PRDM5: variants seen among roughly 807,000 people sequenced by gnomAD.
PRDM5 encodes PR/SET domain 5, also known as PR domain zinc finger protein 5.
A neutral mutation model predicts 81.2 loss-of-function variants in PRDM5; 56 were observed. The observed-to-expected ratio is 0.69, with a 90% CI of 0.56 to 0.86. The LOEUF is 0.86. Among genes scored for constraint, PRDM5 ranks in the 40% least tolerant of loss-of-function variants. The probability of loss-of-function intolerance (pLI) is 0.00; values close to 1 mark genes in which losing one functional copy is unlikely to be tolerated. For missense variants in PRDM5, 697 were observed against 770.1 expected (o/e 0.91, Z 1.12); for synonymous variants, 267 against 256.4 (o/e 1.04, Z -0.39).
Position 120,895,822 on chromosome 4 carries a change from A to T in PRDM5, c.177+11652T>A, listed in dbSNP as rs1764554446. 2 of 152,206 alleles carry T rather than the reference A, an allele frequency of 1.3e-5. 1 individual carries two copies. Among genetic ancestry groups the T allele is most frequent in the South Asian group, 4.1e-4 (2 of 4,826 alleles). 9.4% of individuals were successfully genotyped at this position (152,206 alleles called of 1,614,324 possible). ...CTCATGAGTAGCTAGGACAACAGGC[A>T]TGTACCACCATGCCTGGCTAATTTA... On this transcript the variant is annotated intron_variant, in intron 2 of 15. Transcript: ENST00000264808.
At chr4:120,876,782 T>C (rs899597076) in intron 2 of PRDM5, among the ~76,000 whole-genome samples, 13 of 152,136 alleles carry the variant, frequency 8.5e-5, no homozygotes, top group African/African-American at 3.1e-4. Context: ...CATGAAGGAA[T>C]GCATGCAAAA....
intron 14 of PRDM5, among the ~76,000 whole-genome samples, chr4:120,750,718 A>ACG (rs58170908): frequency 0.013 from 1,949 of 149,994 alleles, 42 homozygotes; most frequent in African/African-American, 0.04. Context: ...ACACACACAC[A>ACG]CGCGCACACA....
downstream of PRDM5, among the ~76,000 whole-genome samples, chr4:120,687,508 A>AT (rs1312683772): frequency 6.6e-6 from 1 of 151,934 alleles, no homozygotes; most frequent in Non-Finnish European, 1.5e-5. Flanking sequence ...TGTACATGAA[A>AT]TTTTCTTTAT....
intron 14 of PRDM5, among the ~76,000 whole-genome samples, chr4:120,748,746 TA>T (rs374244657): frequency 7.3e-5 from 11 of 151,496 alleles, no homozygotes; most frequent in African/African-American, 2.7e-4. Context: ...CAGGAAAAGG[TA>T]GATCTAGAAA....
At chr4:120,897,805 T>G (rs1442271789) in intron 2 of PRDM5, among the ~76,000 whole-genome samples, 2 of 152,192 alleles carry the variant, frequency 1.3e-5, no homozygotes, top group Non-Finnish European at 2.9e-5. Flanking sequence ...TACATTTCAA[T>G]TTGTTAGTAA....
At chr4:120,920,703 G>A (rs919689500) in intron 1 of PRDM5, among the ~76,000 whole-genome samples, 2 of 152,166 alleles carry the variant, frequency 1.3e-5, no homozygotes, top group African/African-American at 4.8e-5. Flanking sequence ...ACTAAACATC[G>A]ATAATAGTTT....
At chr4:120,744,586 T>C (rs980202137) in intron 14 of PRDM5, among the ~76,000 whole-genome samples, 2 of 151,242 alleles carry the variant, frequency 1.3e-5, no homozygotes, top group African/African-American at 2.4e-5. Context: ...CAAGAAAAAA[T>C]GATAAAGGGG....
chr4:120,774,445 T>G (rs1287787487), intron 13 of PRDM5, among the ~76,000 whole-genome samples: 2 of 152,172 alleles, frequency 1.3e-5, no homozygotes, highest in South Asian at 4.1e-4. Flanking sequence ...AATCAAAACA[T>G]TCGGAGCTCC....
intron 14 of PRDM5, among the ~76,000 whole-genome samples, chr4:120,718,591 C>T (rs1378949412): frequency 1.3e-5 from 2 of 152,044 alleles, no homozygotes; most frequent in Admixed American, 6.5e-5. Flanking sequence ...CATTTTAATG[C>T]CTTTAATTGT....
chr4:120,773,052 T>C (rs1747526685), intron 13 of PRDM5, among the ~76,000 whole-genome samples: 1 of 152,204 alleles, frequency 6.6e-6, no homozygotes, highest in South Asian at 2.1e-4. Flanking sequence ...GTGTATAATC[T>C]TTTTAATATT....
intron 2 of PRDM5, among the ~76,000 whole-genome samples, chr4:120,874,123 C>T (rs975458119): frequency 6.6e-6 from 1 of 151,950 alleles, no homozygotes; most frequent in Admixed American, 6.6e-5. Context: ...CAAAATGCGC[C>T]CTTCTAGCTA....
chr4:120,904,973 G>A (rs994271270), intron 2 of PRDM5, among the ~76,000 whole-genome samples: 1 of 152,192 alleles, frequency 6.6e-6, no homozygotes, highest in South Asian at 2.1e-4. Context: ...GACTTACTAA[G>A]TTATCAGGTT....
chr4:120,880,906 G>A (rs3115311), intron 2 of PRDM5, among the ~76,000 whole-genome samples: 25,263 of 152,000 alleles, frequency 0.17, 2,567 homozygotes, highest in African/African-American at 0.28. Flanking sequence ...TGTCAATGAA[G>A]TATTAATGAA....
intron 12 of PRDM5, among the ~76,000 whole-genome samples, chr4:120,778,418 T>C (rs1404417411): frequency 6.6e-6 from 1 of 152,140 alleles, no homozygotes; most frequent in Non-Finnish European, 1.5e-5. Flanking sequence ...GTGGGGCAAT[T>C]ACCTCATCAC....
rs138331711 is a variant in PRDM5, at chr4:120,847,536, C to T, written c.300+5882G>A. Among the ~76,000 whole-genome samples the T allele has an allele frequency of 1.1e-3, 162 of 152,302 alleles. 1 individual carries two copies. Among genetic ancestry groups the T allele is most frequent in the African/African-American group, 3.7e-3 (153 of 41,564 alleles). ...AAGTTTTCCCTGGCTGACCACTTGA[C>T]AGCAACCTCATGAAAGTCCTTGAAC... On this transcript the variant is annotated intron_variant, in intron 3 of 15. Transcript: ENST00000264808.
chr4:120,909,156 C>T (rs1376413486), intron 1 of PRDM5, among the ~76,000 whole-genome samples: 4 of 152,152 alleles, frequency 2.6e-5, no homozygotes, highest in African/African-American at 4.8e-5. Flanking sequence ...AATCAGGTGG[C>T]GATGATTAGA....
At chr4:120,802,813 A>G (rs1752333017) in intron 8 of PRDM5, among the ~76,000 whole-genome samples, 8 of 152,196 alleles carry the variant, frequency 5.3e-5, no homozygotes, top group Admixed American at 4.6e-4. Flanking sequence ...TCCCCCTCCA[A>G]AGGAACGCAG....
At chr4:120,808,979 G>A (rs537660757) in intron 8 of PRDM5, among the ~76,000 whole-genome samples, 3 of 152,324 alleles carry the variant, frequency 2.0e-5, no homozygotes, top group South Asian at 2.1e-4. Flanking sequence ...TGAGGGAGCC[G>A]GCTCCGGCCT....
intron 6 of PRDM5, 77 bp downstream of exon 6, chr4:120,816,755 C>T: frequency 6.6e-7 from 1 of 1,518,000 alleles, no homozygotes. Context: ...AACTGAATTA[C>T]TAAGAAGCAT....
Sources: allele counts gnomAD v4.1 joint callset (sites outside exome capture counted in the v4.1 genomes callset), GRCh38; gene constraint gnomAD v4.1.1; transcripts MANE v1.5; gene names NCBI Gene and HGNC (gene_info 2026-07-23, HGNC 2026-07-21).